The following IP6K2 variants were observed in gnomAD, a reference collection of about 807,000 sequenced individuals.
The protein encoded by IP6K2 is inositol hexakisphosphate kinase 2.
Under a neutral mutation model 43.3 loss-of-function variants are expected in IP6K2, and 9 were observed. That is an observed-to-expected ratio of 0.21 (90% confidence interval 0.13 to 0.36). The LOEUF (loss-of-function observed/expected upper bound fraction) is 0.36, where lower values mean the gene tolerates loss of function less well. Among genes scored for constraint, IP6K2 ranks in the 10% least tolerant of loss-of-function variants. IP6K2 has a pLI of 1.00. For missense variants in IP6K2, 332 were observed against 538.4 expected (o/e 0.62, Z 3.79); for synonymous variants, 209 against 202.4 (o/e 1.03, Z -0.28).
intron 2 of IP6K2, 106 bp from the exon 3 acceptor site, chr3:48,693,285 C>T (rs2077964915): frequency 8.5e-7 from 1 of 1,178,068 alleles, no homozygotes; most frequent in Non-Finnish European, 1.3e-6. Context: ...TCCTTAGTCT[C>T]TATGTTGCCA....
Position 48,693,091 on chromosome 3 carries a change from G to C in IP6K2, c.291C>G (p.Asp97Glu). The change falls in exon 3 of 6, where the codon GAC becomes GAG. Residue 97 changes from aspartate (D) to glutamate (E), a missense_variant. Coordinates refer to ENST00000328631, the MANE Select transcript of IP6K2 (RefSeq NM_016291.4). The part of the protein sequence containing the change: ...YPLKGDHGIV[D>E]IVDNSDCEPK... The stretch of plus-strand genomic sequence containing the variant: ...GTTCACAGTCTGAATTATCTACAAT[G>C]TCCACAATTCCATGGTCCCCTTTCA... 6.2e-7 allele frequency: 1 copy of C among 1,614,096 alleles called. No homozygotes were observed. Among genetic ancestry groups the C allele is most frequent in the Non-Finnish European group, 8.5e-7 (1 of 1,179,934 alleles).
intron 2 of IP6K2, chr3:48,694,121 T>C: frequency 4.6e-6 from 7 of 1,511,996 alleles, no homozygotes; most frequent in Non-Finnish European, 6.2e-6. Flanking sequence ...CCCCCAGCTC[T>C]GGGTGCAGAG....
At chr3:48,711,295 C>T (rs1356672125) in intron 1 of IP6K2, 1 of 152,216 alleles carries the variant, frequency 6.6e-6, no homozygotes, top group Admixed American at 6.5e-5. Context: ...TCCCAAATCC[C>T]CCAGGACCTT....
At chr3:48,702,405 A>C (rs1273981602) in intron 1 of IP6K2, among the ~76,000 whole-genome samples, 21 of 131,790 alleles carry the variant, frequency 1.6e-4, no homozygotes, top group Middle Eastern at 3.8e-3. Flanking sequence ...CCCTTGGCTC[A>C]CTCTCTCAAC....
At chr3:48,713,860 T>C (rs1301780037) in intron 1 of IP6K2, among the ~76,000 whole-genome samples, 4 of 151,042 alleles carry the variant, frequency 2.6e-5, no homozygotes, top group African/African-American at 7.3e-5. Flanking sequence ...CTCACGCCTG[T>C]AATCCCAACA....
chr3:48,693,019 G>C lies in IP6K2; in HGVS notation c.363C>G (p.Val121=), dbSNP rs1351659151. Residue 121 remains valine (V), a synonymous_variant, in exon 3 of 6, where the codon GTC becomes GTG. Coordinates refer to ENST00000328631, the MANE Select transcript of IP6K2 (RefSeq NM_016291.4). The stretch of plus-strand genomic sequence containing the variant: ...CCTTAGGGGTCTTTTCTGTTTCTAA[G>C]ACATGATGTTTTTTGTTTGTTGTCC... ...LRWTTNKKHH[V]LETEKTPKDW... 2 of 1,614,220 alleles carry C rather than the reference G, an allele frequency of 1.2e-6. No homozygotes were observed. Among genetic ancestry groups the C allele is most frequent in the South Asian group, 2.2e-5 (2 of 91,090 alleles).
In IP6K2 at chr3:48,692,984, C is replaced by T. The variant is rs775587404; in HGVS notation, c.398G>A (p.Arg133His). 40 of 1,613,596 alleles carry T rather than the reference C, an allele frequency of 2.5e-5. No individual in the cohort carries two copies. Among genetic ancestry groups the T allele is most frequent in the Non-Finnish European group, 3.1e-5 (36 of 1,179,656 alleles). ...ETEKTPKDWV[R>H]QHRKEEKMKS... ...CATTTTCTCCTCTTTACGGTGCTGA[C>T]GCACCCAGTCCTTAGGGGTCTTTTC... Residue 133 changes from arginine (R) to histidine (H), a missense_variant, in exon 3 of 6, where the codon CGT becomes CAT. By Grantham distance (29) the Arg-to-His change is conservative. Transcript: ENST00000328631.
chr3:48,688,674 G>A lies in IP6K2; in HGVS notation c.880C>T (p.His294Tyr), dbSNP rs779200655. The A allele has an allele frequency of 1.2e-6, 2 of 1,614,236 alleles. No individual in the cohort carries two copies. Among genetic ancestry groups the A allele is most frequent in the South Asian group, 2.2e-5 (2 of 91,088 alleles). Residue 294 changes from histidine to tyrosine, a missense_variant, in exon 6 of 6, where the codon CAC becomes TAC. Physicochemically the swap from His to Tyr is moderately conservative, Grantham distance 83 (BLOSUM62 2). Transcript: ENST00000328631. The surrounding 1 kb of genome is among the most constrained non-coding windows in gnomAD (Gnocchi z 5.1). ...TCACGGCGCAGGTACCGCCCATTGT[G>A]GAAGAACTGGAAAAGTGCCTCCTTG... ...GFKEALFQFF[H>Y]NGRYLRRELL...
chr3:48,710,801 G>C (rs920366757), intron 1 of IP6K2, among the ~76,000 whole-genome samples: 4 of 152,248 alleles, frequency 2.6e-5, no homozygotes, highest in South Asian at 2.1e-4. Context: ...AGTAGAGACA[G>C]GGTTTCACCG....
In IP6K2 at chr3:48,688,600, C is replaced by T; in HGVS notation, c.954G>A (p.Leu318=). ...AGAAGCGGTAGGACTCCTGTCGCTC[C>T]AACACTGCCTTGAGCTCAGTCAGCT... ...LKKLTELKAV[L]ERQESYRFYS... Residue 318 remains leucine, a synonymous_variant, in exon 6 of 6, where the codon TTG becomes TTA. Transcript: ENST00000328631. The surrounding 1 kb of genome is among the most constrained non-coding windows in gnomAD (Gnocchi z 5.1). 1 of 1,614,246 alleles carries T rather than the reference C, an allele frequency of 6.2e-7. No individual in the cohort carries two copies. The highest frequency in any genetic ancestry group is 8.5e-7 in the Non-Finnish European group (1 of 1,180,052).
intron 1 of IP6K2, among the ~76,000 whole-genome samples, chr3:48,700,742 A>G (rs961049847): frequency 6.6e-6 from 1 of 152,202 alleles, no homozygotes; most frequent in South Asian, 2.1e-4. Context: ...GAATTTAGTT[A>G]AAGAGGCTAC....
chr3:48,693,478 T>A (rs2077980875), intron 2 of IP6K2: 1 of 1,320,702 alleles, frequency 7.6e-7, no homozygotes, highest in African/African-American at 1.5e-5. Flanking sequence ...TTTATTAATT[T>A]TTATGTAATT....
chr3:48,689,846 C>T, intron 4 of IP6K2, 133 bp from the exon 5 acceptor site: 1 of 684,422 alleles, frequency 1.5e-6, no homozygotes, highest in Non-Finnish European at 2.4e-6. Context: ...GTCCTGCCAT[C>T]CCCGACACAG....
At chr3:48,710,233 T>A (rs571737122) in intron 1 of IP6K2, among the ~76,000 whole-genome samples, 343 of 152,120 alleles carry the variant, frequency 2.3e-3, no homozygotes, top group Non-Finnish European at 3.9e-3. Context: ...CAAAAAATGT[T>A]TTAAAAATTA....
At chr3:48,705,236 C>T (rs1282053701) in intron 1 of IP6K2, among the ~76,000 whole-genome samples, 1 of 152,126 alleles carries the variant, frequency 6.6e-6, no homozygotes, top group Non-Finnish European at 1.5e-5. Context: ...ATCACCCCAC[C>T]CAGTAGAGAC....
At chr3:48,693,650 G>C (rs2077994759) in intron 2 of IP6K2, 18 of 1,101,050 alleles carry the variant, frequency 1.6e-5, no homozygotes, top group Non-Finnish European at 2.0e-5. Context: ...CCAAGAGTAA[G>C]GGAAGACTGG....
chr3:48,692,776 C>A (rs1241601345), intron 3 of IP6K2, among the ~76,000 whole-genome samples, 178 bp downstream of exon 3: 1 of 152,248 alleles, frequency 6.6e-6, no homozygotes, highest in African/African-American at 2.4e-5. Context: ...CTGGCATGAT[C>A]TAACCAGAGT....
intron 1 of IP6K2, among the ~76,000 whole-genome samples, chr3:48,713,420 C>G (rs1245758615): frequency 1.3e-5 from 2 of 152,224 alleles, no homozygotes; most frequent in Non-Finnish European, 1.5e-5. Flanking sequence ...AGGGCCAGAG[C>G]AGGCAACGTG....
chr3:48,689,163 C>A (rs937482413), intron 5 of IP6K2, among the ~76,000 whole-genome samples: 17 of 152,144 alleles, frequency 1.1e-4, no homozygotes, highest in Non-Finnish European at 2.1e-4. Context: ...AAATCTGGAA[C>A]CTTTTTATTT....
Sources: allele counts gnomAD v4.1 joint callset (sites outside exome capture counted in the v4.1 genomes callset), GRCh38; gene constraint gnomAD v4.1.1; non-coding constraint Gnocchi (gnomAD v3.1); transcripts MANE v1.5; gene names NCBI Gene and HGNC (gene_info 2026-07-23, HGNC 2026-07-21).